Variants in ENAH observed in about 807,000 individuals in gnomAD.
ENAH encodes ENAH actin regulator.
A neutral mutation model predicts 78.7 loss-of-function variants in ENAH; 23 were observed. The ratio of observed to expected loss-of-function variants is 0.29; its 90% CI spans 0.21 to 0.41. The LOEUF is 0.41. Ranked by LOEUF, ENAH falls within the 10% of genes least tolerant of loss-of-function variation. The pLI is 1.00. For missense variants in ENAH, 544 were observed against 691.0 expected, an observed-to-expected ratio of 0.79 and a Z score of 2.39; for synonymous variants, 226 against 241.0, an observed-to-expected ratio of 0.94 and a Z score of 0.58.
intron 4 of ENAH, among the ~76,000 whole-genome samples, chr1:225,527,994 C>G (rs183848130): frequency 6.6e-6 from 1 of 152,294 alleles, no homozygotes; most frequent in Non-Finnish European, 1.5e-5. Context: ...ACCAGCTAAA[C>G]ATCAGTAATT....
At chr1:225,553,059 C>T (rs1291757428) in intron 3 of ENAH, among the ~76,000 whole-genome samples, 4 of 152,068 alleles carry the variant, frequency 2.6e-5, no homozygotes, top group Non-Finnish European at 5.9e-5. Flanking sequence ...TATGGTGAAA[C>T]GCCATCTCTA....
chr1:225,626,632 A>T (rs915261604), intron 1 of ENAH, among the ~76,000 whole-genome samples: 1 of 152,244 alleles, frequency 6.6e-6, no homozygotes, highest in African/African-American at 2.4e-5. Flanking sequence ...GTGAGAAATA[A>T]ATTTGTGTTT....
chr1:225,632,855 A>C (rs576270559), intron 1 of ENAH, among the ~76,000 whole-genome samples: 2 of 152,352 alleles, frequency 1.3e-5, no homozygotes, highest in South Asian at 4.1e-4. Context: ...ACTTAGGGTA[A>C]GGTGCATATA....
At position 225,514,581 on chromosome 1, in the gene ENAH, C is replaced by A. The variant is rs1242020445; in HGVS notation, c.1218+15G>T. 1.2e-6 allele frequency: 2 copies of A among 1,607,356 alleles called. No individual in the cohort carries two copies. Among genetic ancestry groups the A allele is most frequent in the Non-Finnish European group, 1.7e-6 (2 of 1,177,088 alleles). ...AATAAGACATATTAAAAAAATTTTTCAGAAAGGTATTTACCCGTGACACTT... is the reference window on the plus strand; with the variant it reads ...AATAAGACATATTAAAAAAATTTTTAAGAAAGGTATTTACCCGTGACACTT... On this transcript the variant is annotated intron_variant, in intron 7 of 13. Coordinates refer to ENST00000366843, the MANE Select transcript of ENAH (RefSeq NM_018212.6).
At chr1:225,653,419 C>T (rs1663433721), upstream of ENAH, among the ~76,000 whole-genome samples, 1 of 150,848 alleles carries the variant, frequency 6.6e-6, no homozygotes, top group Admixed American at 6.6e-5. The surrounding 1 kb of genome is among the most constrained non-coding windows in gnomAD (Gnocchi z 4.3). Flanking sequence ...CCACCACCCC[C>T]CCCTCCCGCC....
intron 1 of ENAH, among the ~76,000 whole-genome samples, chr1:225,604,819 A>G (rs2096948930): frequency 1.3e-5 from 2 of 152,050 alleles, no homozygotes; most frequent in African/African-American, 2.4e-5. Context: ...AAAAAGGACA[A>G]TTGATAAAAG....
chr1:225,567,286 G>C lies in ENAH; in HGVS notation c.134C>G (p.Thr45Arg). 1 of 1,614,022 alleles carries C rather than the reference G, an allele frequency of 6.2e-7. No individual in the cohort carries two copies. The change falls in exon 2 of 14, where the codon ACA becomes AGA. Residue 45 changes from threonine (T) to arginine (R), a missense_variant. By Grantham distance (71) the Thr-to-Arg change is moderately conservative. This residue lies in a region of ENAH where 77 missense variants were observed against 151.8 expected (regional missense o/e 0.51). Coordinates refer to ENST00000366843, the MANE Select transcript of ENAH (RefSeq NM_018212.6). ...VHIYHHTGNN[T>R]FRVVGRKIQD... ...AATCTTCCTGCCCACCACTCTGAATGTGTTGTTGCCTGTATGGTGATAGAT... is the reference window on the plus strand; with the variant it reads ...AATCTTCCTGCCCACCACTCTGAATCTGTTGTTGCCTGTATGGTGATAGAT...
At chr1:225,523,714 C>T (rs917634031) in intron 4 of ENAH, among the ~76,000 whole-genome samples, 1 of 152,106 alleles carries the variant, frequency 6.6e-6, no homozygotes, top group African/African-American at 2.4e-5. Context: ...TAATTCCCAC[C>T]TAAATTGGAT....
chr1:225,623,728 G>C (rs1260607599), intron 1 of ENAH, among the ~76,000 whole-genome samples: 1 of 151,976 alleles, frequency 6.6e-6, no homozygotes, highest in Non-Finnish European at 1.5e-5. Flanking sequence ...TGGGATTACA[G>C]GCGCCTGCCA....
chr1:225,573,008 C>T (rs2096770872), intron 1 of ENAH, among the ~76,000 whole-genome samples: 1 of 152,182 alleles, frequency 6.6e-6, no homozygotes, highest in African/African-American at 2.4e-5. Context: ...TAGTTCATTT[C>T]TGAATATTGT....
At chr1:225,601,071 C>T (rs1166765948) in intron 1 of ENAH, among the ~76,000 whole-genome samples, 2 of 152,038 alleles carry the variant, frequency 1.3e-5, no homozygotes, top group Admixed American at 6.6e-5. Flanking sequence ...AATATATCTA[C>T]CCACTTCAAA....
intron 1 of ENAH, among the ~76,000 whole-genome samples, chr1:225,627,309 T>C (rs903188881): frequency 1.6e-4 from 24 of 152,188 alleles, no homozygotes; most frequent in African/African-American, 5.8e-4. Context: ...TGCCAGCTTA[T>C]TTATCTAGGG....
Position 225,487,486 on chromosome 1 carries a change from G to A in ENAH, c.*10289C>T, listed in dbSNP as rs1257518402. ...ATAGTATGTTGATTTAAAACAAGTT[G>A]TTACCAGTTTCCCTTACCCTTGAAT... On this transcript the variant is annotated 3_prime_UTR_variant, in exon 14 of 14. Transcript: ENST00000366843. 1 of 152,184 alleles carries A rather than the reference G, an allele frequency of 6.6e-6. No individual in the cohort carries two copies. The highest frequency in any genetic ancestry group is 1.5e-5 in the Non-Finnish European group (1 of 68,038). The allele number at this position is 152,184 out of a possible 1,614,324, so 9.4% of individuals were successfully genotyped here.
intron 1 of ENAH, among the ~76,000 whole-genome samples, chr1:225,590,082 A>AACAC (rs3050220): frequency 0.063 from 8,212 of 131,384 alleles, 299 homozygotes; most frequent in Admixed American, 0.12. Flanking sequence ...CTCATCACTC[A>AACAC]ACACACACAC....
chr1:225,609,465 G>T (rs752910993), intron 1 of ENAH, among the ~76,000 whole-genome samples: 3 of 152,146 alleles, frequency 2.0e-5, no homozygotes, highest in Non-Finnish European at 4.4e-5. Flanking sequence ...TATGCATCGT[G>T]GGGAGGAGAA....
At chr1:225,629,343 T>C (rs146038151) in intron 1 of ENAH, among the ~76,000 whole-genome samples, 2,388 of 151,874 alleles carry the variant, frequency 0.016, 79 homozygotes, top group African/African-American at 0.054. Context: ...CCCAGCACTT[T>C]GGGAGGCCAA....
At chr1:225,562,571 CAAAAAAAAAAAAAAAAA>C (rs869309795) in intron 2 of ENAH, among the ~76,000 whole-genome samples, 10 of 38,080 alleles carry the variant, frequency 2.6e-4, no homozygotes, top group East Asian at 2.4e-3. Context: ...GACTGCGTCT[CAAAAAAAAAAAAAAAAA>C]AAAAAAAAAA....
At position 225,593,418 on chromosome 1, in the gene ENAH, T is replaced by TGG. The variant is rs2096887708; in HGVS notation, c.6-26006_6-26005dup. Among the ~76,000 whole-genome samples the TGG allele has an allele frequency of 1.4e-4, 6 of 41,938 alleles. 1 individual carries two copies. Among genetic ancestry groups the TGG allele is most frequent in the Non-Finnish European group, 1.8e-4 (4 of 22,728 alleles). 27.5% of individuals were successfully genotyped at this position (41,938 alleles called of 152,430 possible). On this transcript the variant is annotated intron_variant, in intron 1 of 13. Transcript: ENST00000366843. ...GTGTGTGTGGGGGGGGGGGGGGGGG[T>TGG]GGGGGGTGCCCTAGTATGAGAACCC...
intron 1 of ENAH, among the ~76,000 whole-genome samples, chr1:225,651,175 C>A (rs576924254): frequency 6.6e-6 from 1 of 151,934 alleles, no homozygotes; most frequent in African/African-American, 2.4e-5. Context: ...TTAAACTCAT[C>A]GCTTATATTT....
Sources: allele counts gnomAD v4.1 joint callset (sites outside exome capture counted in the v4.1 genomes callset), GRCh38; gene constraint gnomAD v4.1.1; regional missense constraint gnomAD v4.1.1; non-coding constraint Gnocchi (gnomAD v3.1); transcripts MANE v1.5; gene names NCBI Gene and HGNC (gene_info 2026-07-23, HGNC 2026-07-21).